CDH12: variants seen among roughly 807,000 people sequenced by gnomAD.
CDH12 encodes cadherin-12.
Under a neutral mutation model 74.1 loss-of-function variants are expected in CDH12, and 41 were observed. The ratio of observed to expected loss-of-function variants is 0.55; its 90% CI spans 0.43 to 0.72. The LOEUF (loss-of-function observed/expected upper bound fraction) is 0.72, where lower values mean the gene tolerates loss of function less well. Among genes scored for constraint, CDH12 ranks in the 30% least tolerant of loss-of-function variants. The pLI is 0.00. For synonymous variants in CDH12, 399 were observed against 355.0 expected (o/e 1.12, Z -1.39); for missense variants, 945 against 977.2 (o/e 0.97, Z 0.44).
chr5:21,751,649 T>TGA lies in CDH12; in HGVS notation c.*87_*88insTC, dbSNP rs1351913533. Reference sequence around the variant, plus strand: ...GTGTGTGTTTGTGTGTGTGTGTGTGTGTGAGAGAGATTTCTATTAATATTT... The same window carrying TGA: ...GTGTGTGTTTGTGTGTGTGTGTGTGTGAGTGAGAGAGATTTCTATTAATATTT... On this transcript the variant is annotated 3_prime_UTR_variant, in exon 15 of 15. Transcript: ENST00000382254. The TGA allele has an allele frequency of 3.3e-5, 32 of 957,338 alleles. No individual in the cohort carries two copies. The highest frequency in any genetic ancestry group is 3.0e-4 in the African/African-American group (18 of 60,228). The allele number at this position is 957,338 out of a possible 1,614,324, so 59.3% of individuals were successfully genotyped here. A position where few individuals can be genotyped will look rare whatever the true frequency, so the allele number is the denominator to read the frequency against.
At chr5:22,256,801 TA>T (rs1484921940) in intron 3 of CDH12, among the ~76,000 whole-genome samples, 1 of 151,922 alleles carries the variant, frequency 6.6e-6, no homozygotes, top group Non-Finnish European at 1.5e-5. Context: ...AACATAAAAA[TA>T]AAAATAAAAA....
intron 6 of CDH12, among the ~76,000 whole-genome samples, chr5:21,862,007 T>G (rs953038072): frequency 6.6e-6 from 1 of 151,968 alleles, no homozygotes; most frequent in African/African-American, 2.4e-5. Context: ...TTTACTAACT[T>G]ATCTTTATTT....
intron 3 of CDH12, among the ~76,000 whole-genome samples, chr5:22,386,786 G>A (rs964590448): frequency 2.0e-5 from 3 of 151,774 alleles, no homozygotes; most frequent in African/African-American, 7.3e-5. Context: ...TTAATATGAT[G>A]ATAGGTTATA....
At chr5:22,487,411 C>T (rs1746655218) in intron 2 of CDH12, among the ~76,000 whole-genome samples, 1 of 152,052 alleles carries the variant, frequency 6.6e-6, no homozygotes, top group South Asian at 2.1e-4. Context: ...CGCATAATCA[C>T]ATAATTTGAC....
Position 22,212,972 on chromosome 5 carries a change from G to A in CDH12, c.-332-329C>T, listed in dbSNP as rs368905131. Among the ~76,000 whole-genome samples, 5 of 152,166 alleles carry A rather than the reference G, an allele frequency of 3.3e-5. No homozygotes were observed. In the South Asian group the frequency reaches 8.3e-4, roughly 25 times the overall value. On this transcript the variant is annotated intron_variant, in intron 3 of 14. Transcript: ENST00000382254. The stretch of plus-strand genomic sequence containing the variant: ...TGCAAGGAGATTAGCTGCCGTGCTA[G>A]CCATCGCAGGACTTAAACAAATGTG...
At chr5:22,283,542 T>C (rs191128827) in intron 3 of CDH12, among the ~76,000 whole-genome samples, 8 of 152,002 alleles carry the variant, frequency 5.3e-5, no homozygotes, top group Admixed American at 4.6e-4. Flanking sequence ...TTTTCACTTA[T>C]ATGTGGAATC....
At chr5:22,564,983 C>T (rs937814217) in intron 1 of CDH12, among the ~76,000 whole-genome samples, 2 of 152,090 alleles carry the variant, frequency 1.3e-5, no homozygotes, top group South Asian at 2.1e-4. Flanking sequence ...TGTCACCTGG[C>T]TGGAGTGCAG....
intron 5 of CDH12, among the ~76,000 whole-genome samples, chr5:22,061,545 A>C (rs1045010262): frequency 2.0e-5 from 3 of 152,004 alleles, no homozygotes; most frequent in African/African-American, 7.2e-5. Flanking sequence ...ACTCTTGTGC[A>C]CTCTATTTTT....
intron 8 of CDH12, among the ~76,000 whole-genome samples, chr5:21,836,462 A>AACACACACACACACACACACAC (rs60658949): frequency 7.0e-6 from 1 of 143,428 alleles, no homozygotes; most frequent in Non-Finnish European, 1.5e-5. Context: ...TAGAAAGGAA[A>AACACACACACACACACACACAC]ACACACACAC....
intron 1 of CDH12, among the ~76,000 whole-genome samples, chr5:22,845,101 A>T (rs940321212): frequency 2.6e-5 from 4 of 152,174 alleles, no homozygotes; most frequent in Non-Finnish European, 5.9e-5. Flanking sequence ...GATATTATTA[A>T]ATCTTGAGTT....
intron 1 of CDH12, among the ~76,000 whole-genome samples, chr5:22,648,005 T>C (rs1739531137): frequency 6.6e-6 from 1 of 151,902 alleles, no homozygotes; most frequent in South Asian, 2.1e-4. Flanking sequence ...TTGGAACGGT[T>C]GTTACTAACT....
intron 1 of CDH12, among the ~76,000 whole-genome samples, chr5:22,633,347 G>A (rs941358410): frequency 1.3e-5 from 2 of 152,048 alleles, no homozygotes; most frequent in African/African-American, 2.4e-5. Context: ...ATGGATTCTT[G>A]TTTATATATC....
intron 1 of CDH12, among the ~76,000 whole-genome samples, chr5:22,654,128 T>C (rs902576629): frequency 4.7e-5 from 7 of 149,532 alleles, no homozygotes; most frequent in Non-Finnish European, 1.0e-4. Context: ...CCGTTCCTTC[T>C]CCCTTCCCCT....
intron 2 of CDH12, among the ~76,000 whole-genome samples, chr5:22,416,659 T>TA (rs146384744): frequency 0.046 from 6,912 of 151,672 alleles, 228 homozygotes; most frequent in Non-Finnish European, 0.067. Flanking sequence ...AAGGAATACA[T>TA]AAAAAAAATA....
At chr5:21,757,772 G>C (rs1744485207) in intron 13 of CDH12, among the ~76,000 whole-genome samples, 1 of 152,136 alleles carries the variant, frequency 6.6e-6, no homozygotes, top group South Asian at 2.1e-4. Flanking sequence ...TGGGTTTGGT[G>C]AATGATGTGA....
intron 1 of CDH12, among the ~76,000 whole-genome samples, chr5:22,585,934 A>G (rs891685422): frequency 6.6e-6 from 1 of 152,164 alleles, no homozygotes; most frequent in African/African-American, 2.4e-5. Flanking sequence ...CAGTGTGGCG[A>G]TTCCTCAGGG....
chr5:21,914,510 C>T (rs1245928124), intron 6 of CDH12, among the ~76,000 whole-genome samples: 1 of 151,994 alleles, frequency 6.6e-6, no homozygotes, highest in Non-Finnish European at 1.5e-5. Flanking sequence ...TATACATACC[C>T]ATACAAAGAG....
At chr5:22,082,850 C>A (rs577649015) in intron 4 of CDH12, among the ~76,000 whole-genome samples, 1 of 152,274 alleles carries the variant, frequency 6.6e-6, no homozygotes, top group Non-Finnish European at 1.5e-5. Flanking sequence ...TTGTTGGACA[C>A]AAATTCTATC....
At chr5:22,210,794 G>A (rs552937304) in intron 4 of CDH12, among the ~76,000 whole-genome samples, 2 of 150,960 alleles carry the variant, frequency 1.3e-5, no homozygotes, top group Non-Finnish European at 2.9e-5. Context: ...GTGTGTCCCT[G>A]TTTGGTTAAT....
Sources: allele counts gnomAD v4.1 joint callset (sites outside exome capture counted in the v4.1 genomes callset), GRCh38; gene constraint gnomAD v4.1.1; transcripts MANE v1.5; gene names NCBI Gene and HGNC (gene_info 2026-07-23, HGNC 2026-07-21).